ENKUR: variants seen among roughly 807,000 people sequenced by gnomAD.
The protein encoded by ENKUR is enkurin.
In ENKUR, 19 loss-of-function variants were observed where a neutral mutation model predicts 27.6. The ratio of observed to expected loss-of-function variants is 0.69; its 90% CI spans 0.48 to 1.01. The LOEUF is 1.01. Ranked by LOEUF, ENKUR falls within the 50% of genes least tolerant of loss-of-function variation. The pLI is 0.00. For missense variants in ENKUR, 312 were observed against 310.5 expected, an observed-to-expected ratio of 1.00 and a Z score of -0.04; for synonymous variants, 117 against 96.9, an observed-to-expected ratio of 1.21 and a Z score of -1.22.
intron 3 of ENKUR, among the ~76,000 whole-genome samples, chr10:24,993,876 TG>T (rs1226929590): frequency 6.6e-6 from 1 of 152,148 alleles, no homozygotes; most frequent in Non-Finnish European, 1.5e-5. Context: ...GGTGGTGGCA[TG>T]ACCAGTAAAG....
At position 25,015,910 on chromosome 10, in the gene ENKUR, G is replaced by A; in HGVS notation, c.27C>T (p.Cys9=). 6.2e-7 allele frequency: 1 copy of A among 1,608,138 alleles called. No individual in the cohort carries two copies. MDPTCSSE[C]IYNLIPSDLK... ...AGTCACTGGGTATGAGGTTATAAAT[G>A]CACTCAGAAGAGCACGTTGGATCCA... is the stretch of plus-strand genomic sequence containing the variant. The change falls in exon 1 of 6, where the codon TGC becomes TGT. Residue 9 remains cysteine, a synonymous_variant. Coordinates refer to ENST00000331161, the MANE Select transcript of ENKUR (RefSeq NM_145010.4).
At chr10:24,991,403 A>AC (rs1335374960) in intron 3 of ENKUR, among the ~76,000 whole-genome samples, 7 of 149,466 alleles carry the variant, frequency 4.7e-5, no homozygotes, top group Non-Finnish European at 1.0e-4. Context: ...TGCCTATAAA[A>AC]CCCCCCGAGA....
intron 2 of ENKUR, chr10:25,023,143 T>A: frequency 7.3e-7 from 1 of 1,377,190 alleles, no homozygotes; most frequent in Non-Finnish European, 9.9e-7. Flanking sequence ...AATTATCTTT[T>A]GTTGTTTTTT....
At chr10:25,010,944 CTTTG>C (rs1850430411) in intron 1 of ENKUR, among the ~76,000 whole-genome samples, 2 of 151,584 alleles carry the variant, frequency 1.3e-5, no homozygotes, top group African/African-American at 4.8e-5. Context: ...ATTTATGGTC[CTTTG>C]GGTATATACC....
intron 3 of ENKUR, among the ~76,000 whole-genome samples, chr10:24,994,046 T>C (rs1391495117): frequency 6.6e-6 from 1 of 152,124 alleles, no homozygotes. Flanking sequence ...GAAGTAACTT[T>C]ATTGGCTTAT....
At chr10:25,020,845 A>T (rs1850705526), upstream of ENKUR, among the ~76,000 whole-genome samples, 1 of 152,206 alleles carries the variant, frequency 6.6e-6, no homozygotes, top group Admixed American at 6.5e-5. Context: ...ACTCAAAAAG[A>T]AGAAACTGTA....
At chr10:25,054,095 T>A (rs770698662) in intron 2 of ENKUR, among the ~76,000 whole-genome samples, 1 of 152,218 alleles carries the variant, frequency 6.6e-6, no homozygotes, top group Non-Finnish European at 1.5e-5. Context: ...ATGCTCATTG[T>A]AGAAAGGTTG....
intron 2 of ENKUR, among the ~76,000 whole-genome samples, chr10:25,059,485 A>T (rs868038543): frequency 6.6e-6 from 1 of 152,152 alleles, no homozygotes; most frequent in African/African-American, 2.4e-5. Context: ...TCTGTATATA[A>T]CATAAAAAAA....
chr10:24,983,839 TA>T lies in ENKUR; in HGVS notation c.*530del. The T allele has an allele frequency of 6.6e-6, 1 of 152,336 alleles. No homozygotes were observed. Among genetic ancestry groups the T allele is most frequent in the South Asian group, 2.1e-4 (1 of 4,830 alleles). The allele number at this position is 152,336 out of a possible 1,614,324, so 9.4% of individuals were successfully genotyped here. A position where few individuals can be genotyped will look rare whatever the true frequency, so the allele number is the denominator to read the frequency against. On this transcript the variant is annotated 3_prime_UTR_variant, in exon 6 of 6. Coordinates refer to ENST00000331161, the MANE Select transcript of ENKUR (RefSeq NM_145010.4). The stretch of plus-strand genomic sequence containing the variant: ...TTTTCTAATTTAAAATTTCATAAAA[TA>T]ACCTTTTCCTTTTAGATATTTAGAG...
chr10:25,049,658 C>T (rs1444198705), intron 2 of ENKUR, among the ~76,000 whole-genome samples: 1 of 151,698 alleles, frequency 6.6e-6, no homozygotes, highest in African/African-American at 2.4e-5. Context: ...TGTGGTGGCA[C>T]ATGCCTGTAA....
chr10:25,028,468 C>T (rs1198185183), intron 2 of ENKUR, among the ~76,000 whole-genome samples: 2 of 152,206 alleles, frequency 1.3e-5, no homozygotes, highest in African/African-American at 2.4e-5. Context: ...CTATTCCCTT[C>T]AACCTACTTA....
chr10:25,049,586 G>A (rs1043146884), intron 2 of ENKUR, among the ~76,000 whole-genome samples: 3 of 151,990 alleles, frequency 2.0e-5, no homozygotes, highest in East Asian at 1.9e-4. Context: ...TCAGGGGTTC[G>A]AGACCAGCCT....
At chr10:24,988,551 T>C (rs1849843133) in intron 4 of ENKUR, among the ~76,000 whole-genome samples, 2 of 147,354 alleles carry the variant, frequency 1.4e-5, no homozygotes, top group African/African-American at 4.9e-5. Context: ...TGTAGAGATA[T>C]GAATGTGTGT....
At chr10:25,007,643 C>G (rs1850346171) in intron 1 of ENKUR, among the ~76,000 whole-genome samples, 1 of 152,104 alleles carries the variant, frequency 6.6e-6, no homozygotes, top group Non-Finnish European at 1.5e-5. Context: ...ACCATGTTAG[C>G]CAGGATGTTC....
intron 2 of ENKUR, among the ~76,000 whole-genome samples, chr10:25,030,005 A>G (rs75271030): frequency 0.036 from 5,428 of 152,268 alleles, 340 homozygotes; most frequent in African/African-American, 0.12. Context: ...TAGGGTTCTC[A>G]TTTAATTGGT....
At chr10:25,028,354 A>T (rs16925243) in intron 2 of ENKUR, among the ~76,000 whole-genome samples, 5,617 of 152,224 alleles carry the variant, frequency 0.037, 145 homozygotes, top group Non-Finnish European at 0.058. Flanking sequence ...TCAAGTGTAT[A>T]TGTTTGCTGC....
At chr10:25,027,377 A>AC (rs1824951788) in intron 2 of ENKUR, among the ~76,000 whole-genome samples, 1 of 145,026 alleles carries the variant, frequency 6.9e-6, no homozygotes, top group African/African-American at 2.5e-5. Flanking sequence ...AAAAAAAAAA[A>AC]AAAAAAAAAA....
chr10:25,018,438 T>G (rs1453228656), upstream of ENKUR, among the ~76,000 whole-genome samples: 2 of 152,232 alleles, frequency 1.3e-5, no homozygotes, highest in African/African-American at 4.8e-5. Context: ...GGCCAAGTGG[T>G]TATGTTGCAA....
intron 1 of ENKUR, among the ~76,000 whole-genome samples, chr10:25,006,809 G>A (rs1250339174): frequency 2.6e-5 from 4 of 152,098 alleles, no homozygotes; most frequent in Admixed American, 6.6e-5. Flanking sequence ...TTAAACTTAC[G>A]AGCTTTGGTA....
Sources: gnomAD v4.1 joint callset for allele counts (sites outside exome capture counted in the v4.1 genomes callset) on GRCh38, gnomAD v4.1.1 for gene constraint, MANE v1.5 for transcripts, NCBI Gene and HGNC (gene_info 2026-07-23, HGNC 2026-07-21) for gene names.